IQCB1: variants seen among roughly 807,000 people sequenced by gnomAD.
IQCB1 encodes IQ calmodulin-binding motif-containing protein 1.
IQCB1 carries 56 observed loss-of-function variants against 84.4 expected under a neutral mutation model. The ratio of observed to expected loss-of-function variants is 0.66; its 90% confidence interval spans 0.54 to 0.83. The LOEUF is 0.83. IQCB1 is among the 40% of genes least tolerant of loss of function. IQCB1 has a pLI of 0.00. For synonymous variants in IQCB1, 210 were observed against 234.8 expected (o/e 0.89, Z 0.96); for missense variants, 629 against 682.1 (o/e 0.92, Z 0.87).
rs1030387261 is a variant in IQCB1, at chr3:121,812,381, G to A, written c.394-3372C>T. ...CGCCTCTTCTCCACCAAATGATCGC[G>A]ATTCCTCCCCAGCAAGGGCAAAAAC... On this transcript the variant is annotated intron_variant, in intron 5 of 14. Transcript: ENST00000310864. Among the ~76,000 whole-genome samples, 9 of 152,078 alleles carry A rather than the reference G, an allele frequency of 5.9e-5. 1 individual carries two copies. Among genetic ancestry groups the A allele is most frequent in the South Asian group, 4.1e-4 (2 of 4,826 alleles).
intron 10 of IQCB1, 56 bp from the exon 11 acceptor site, chr3:121,790,271 A>G (rs1356528190): frequency 1.3e-5 from 19 of 1,483,312 alleles, no homozygotes; most frequent in Non-Finnish European, 1.8e-5. Flanking sequence ...GAAAAAATGC[A>G]TAACCTCACT....
At chr3:121,782,950 C>T (rs944637915) in intron 12 of IQCB1, among the ~76,000 whole-genome samples, 3 of 152,206 alleles carry the variant, frequency 2.0e-5, no homozygotes, top group African/African-American at 7.2e-5. Flanking sequence ...GCTGGGATTA[C>T]AGACGTGAGC....
intron 12 of IQCB1, among the ~76,000 whole-genome samples, chr3:121,782,684 ATTT>A (rs71133569): frequency 6.8e-6 from 1 of 147,914 alleles, no homozygotes; most frequent in Non-Finnish European, 1.5e-5. Context: ...TACAAATAAC[ATTT>A]TTTTTTTTTT....
intron 10 of IQCB1, among the ~76,000 whole-genome samples, chr3:121,793,420 T>C (rs1576565487): frequency 6.6e-6 from 1 of 151,950 alleles, no homozygotes; most frequent in Non-Finnish European, 1.5e-5. Context: ...GGGCAGTCTC[T>C]CTCCCAAAAC....
chr3:121,790,308 A>T (rs1045876275), intron 10 of IQCB1, 93 bp from the exon 11 acceptor site: 8 of 1,154,148 alleles, frequency 6.9e-6, no homozygotes, highest in Non-Finnish European at 7.7e-6. Context: ...TAAACAGAAA[A>T]AATTTTAAGA....
chr3:121,788,577 C>T, intron 11 of IQCB1, 145 bp from the exon 12 acceptor site: 1 of 808,728 alleles, frequency 1.2e-6, no homozygotes, highest in Non-Finnish European at 2.0e-6. Flanking sequence ...ACTATTTTAC[C>T]ATGGTTCTAA....
At chr3:121,781,670 G>A (rs112890644) in intron 13 of IQCB1, 73 bp downstream of exon 13, 784 of 1,021,802 alleles carry the variant, frequency 7.7e-4, no homozygotes, top group Non-Finnish European at 1.0e-3. Context: ...CACAATATAT[G>A]TGTGTGTGTG....
chr3:121,817,266 G>A (rs990435414), intron 5 of IQCB1, among the ~76,000 whole-genome samples: 2 of 152,096 alleles, frequency 1.3e-5, no homozygotes, highest in Non-Finnish European at 2.9e-5. Flanking sequence ...CAGGGGGTAG[G>A]GAGCAAGGGG....
At chr3:121,818,369 G>C (rs900179523) in intron 5 of IQCB1, among the ~76,000 whole-genome samples, 1 of 152,206 alleles carries the variant, frequency 6.6e-6, no homozygotes, top group African/African-American at 2.4e-5. Flanking sequence ...TACCTAGTGA[G>C]GAAATATCAT....
rs1271732636 is a variant in IQCB1 at position 121,781,634 on chromosome 3, C to G, written c.1410+109G>C. The G allele has an allele frequency of 9.7e-5, 14 of 143,828 alleles. No individual in the cohort carries two copies. In the South Asian group the frequency reaches 1.3e-3, roughly 13 times the overall value. The allele number at this position is 143,828 out of a possible 1,614,324, so 8.9% of individuals were successfully genotyped here. A position where few individuals can be genotyped will look rare whatever the true frequency, so the allele number is the denominator to read the frequency against. On this transcript the variant is annotated intron_variant, in intron 13 of 14. Coordinates refer to ENST00000310864, the MANE Select transcript of IQCB1 (RefSeq NM_001023570.4). ...TTACCTTATACCAGCAATAAATGTA[C>G]ACACACACACACACACACACACACA...
At chr3:121,825,050 C>A (rs1028226895) in intron 5 of IQCB1, among the ~76,000 whole-genome samples, 1 of 134,062 alleles carries the variant, frequency 7.5e-6, no homozygotes. Context: ...ACAAAGGTTT[C>A]TTTTTCTTTT....
At position 121,828,988 on chromosome 3, in the gene IQCB1, A is replaced by T. The variant is rs752450360; in HGVS notation, c.-12-16T>A. 1.2e-5 allele frequency: 17 copies of T among 1,371,088 alleles called. No individual in the cohort carries two copies. Among genetic ancestry groups the T allele is most frequent in the Non-Finnish European group, 1.7e-5 (16 of 959,558 alleles). The allele number at this position is 1,371,088 out of a possible 1,614,324, so 84.9% of individuals were successfully genotyped here. ...CTCTTATTACCTATATTTTAACAGA[A>T]TCAGAGAATAAAGGTCAAAAAGCCA... On this transcript the variant is annotated splice_polypyrimidine_tract_variant and intron_variant, in intron 2 of 14. Coordinates refer to ENST00000310864, the MANE Select transcript of IQCB1 (RefSeq NM_001023570.4).
At chr3:121,811,798 C>A (rs1242739448) in intron 5 of IQCB1, among the ~76,000 whole-genome samples, 2 of 152,240 alleles carry the variant, frequency 1.3e-5, no homozygotes, top group Admixed American at 6.5e-5. Flanking sequence ...AAACTCCCAT[C>A]TCCCTGGGAC....
chr3:121,770,458 C>T lies in IQCB1; in HGVS notation c.1684G>A (p.Ala562Thr). The T allele has an allele frequency of 1.2e-6, 2 of 1,614,174 alleles. No homozygotes were observed. Among genetic ancestry groups the T allele is most frequent in the Non-Finnish European group, 1.7e-6 (2 of 1,179,980 alleles). ...AHLTTLKHIQ[A>T]PWWKKLGEES... Reference sequence around the variant, plus strand: ...TCTCCAAGCTTCTTCCACCAGGGTGCTTGTATGTGCTTCAGGGTTGTGAGA... The same window carrying T: ...TCTCCAAGCTTCTTCCACCAGGGTGTTTGTATGTGCTTCAGGGTTGTGAGA... The change falls in exon 15 of 15, where the codon GCA (alanine) becomes ACA (threonine). Residue 562 changes from alanine to threonine, a missense_variant. Transcript: ENST00000310864.
Position 121,796,751 on chromosome 3 carries a change from A to C in IQCB1, c.876+367T>G, listed in dbSNP as rs572130641. Among the ~76,000 whole-genome samples the C allele has an allele frequency of 2.5e-3, 384 of 152,314 alleles. 2 individuals carry two copies. Among genetic ancestry groups the C allele is most frequent in the Non-Finnish European group, 4.8e-3 (327 of 68,028 alleles). On this transcript the variant is annotated intron_variant, in intron 9 of 14. Coordinates refer to ENST00000310864, the MANE Select transcript of IQCB1 (RefSeq NM_001023570.4). ...GATGGGGCTTTCATGAGAAATGATG[A>C]ATGAAACTGATGTGGCAGTATTTAT... is the stretch of plus-strand genomic sequence containing the variant.
intron 13 of IQCB1, among the ~76,000 whole-genome samples, chr3:121,774,030 A>G (rs908594409): frequency 4.6e-5 from 7 of 152,184 alleles, no homozygotes; most frequent in Non-Finnish European, 1.0e-4. Flanking sequence ...ATTAATCTCC[A>G]TAATATATAA....
At chr3:121,821,527 T>G (rs1950273972) in intron 5 of IQCB1, among the ~76,000 whole-genome samples, 2 of 152,322 alleles carry the variant, frequency 1.3e-5, no homozygotes, top group Admixed American at 6.5e-5. Context: ...TCCTGTTAGT[T>G]GTGGGCCAGA....
intron 8 of IQCB1, among the ~76,000 whole-genome samples, chr3:121,797,845 G>A (rs1212423361): frequency 6.6e-6 from 1 of 151,868 alleles, no homozygotes; most frequent in Admixed American, 6.6e-5. Flanking sequence ...TGTTTCCAGG[G>A]TACACTGAAA....
rs1950453965 is a variant in IQCB1, at chr3:121,826,044, C to T, written c.393+7G>A. On this transcript the variant is annotated splice_region_variant and intron_variant, in intron 5 of 14. Transcript: ENST00000310864. Reference sequence around the variant, plus strand: ...ATTTAGCTACAAAAGACTAAATAAACACATACCTTAGCTGCATTGATAAAA... The same window carrying T: ...ATTTAGCTACAAAAGACTAAATAAATACATACCTTAGCTGCATTGATAAAA... 5 of 1,611,040 alleles carry T rather than the reference C, an allele frequency of 3.1e-6. No individual in the cohort carries two copies. Among genetic ancestry groups the T allele is most frequent in the Non-Finnish European group, 4.2e-6 (5 of 1,177,496 alleles).
Sources: gnomAD v4.1 joint callset for allele counts (sites outside exome capture counted in the v4.1 genomes callset) on GRCh38, gnomAD v4.1.1 for gene constraint, MANE v1.5 for transcripts, NCBI Gene and HGNC (gene_info 2026-07-23, HGNC 2026-07-21) for gene names.